The following GAB3 variants were observed in gnomAD, a reference collection of about 807,000 sequenced individuals.
GAB3 encodes GRB2-associated-binding protein 3.
GAB3 carries 12 observed loss-of-function variants against 40.4 expected under a neutral mutation model. The ratio of observed to expected loss-of-function variants is 0.30; its 90% CI spans 0.19 to 0.48. The LOEUF (loss-of-function observed/expected upper bound fraction) is 0.48. Ranked by LOEUF, GAB3 falls within the 20% of genes least tolerant of loss-of-function variation. The pLI, the probability that GAB3 is intolerant of heterozygous loss-of-function variation, is 0.99. For synonymous variants in GAB3, 154 were observed against 176.7 expected, an observed-to-expected ratio of 0.87 and a Z score of 1.02; for missense variants, 381 against 461.9, an observed-to-expected ratio of 0.82 and a Z score of 1.61.
intron 8 of GAB3, among the ~76,000 whole-genome samples, chrX:154,687,067 C>G (rs1296058196): frequency 9.1e-6 from 1 of 109,999 alleles, no homozygotes; most frequent in African/African-American, 3.3e-5. Context: ...TGGCGTGTGC[C>G]TGTAATCCCA....
chrX:154,725,460 A>C (rs1284228109), intron 1 of GAB3, among the ~76,000 whole-genome samples: 2 of 111,215 alleles, frequency 1.8e-5, no homozygotes, highest in South Asian at 3.9e-4. Context: ...TAAAAAGGAA[A>C]GCAAAAGAGG....
chrX:154,684,472 A>G (rs2070420375), intron 8 of GAB3, among the ~76,000 whole-genome samples: 1 of 111,541 alleles, frequency 9.0e-6, no homozygotes, highest in Non-Finnish European at 1.9e-5. Context: ...TTATTGGTAC[A>G]GAGTTGTTCA....
intron 8 of GAB3, 26 bp downstream of exon 8, chrX:154,695,891 G>T: frequency 1.1e-6 from 1 of 935,112 alleles, no homozygotes; most frequent in Non-Finnish European, 1.5e-6. Flanking sequence ...TGAAGGATAA[G>T]AAGAGTGTGA....
intron 8 of GAB3, among the ~76,000 whole-genome samples, chrX:154,693,513 C>A (rs2148426110): frequency 8.9e-6 from 1 of 111,864 alleles, no homozygotes; most frequent in South Asian, 3.7e-4. Context: ...CCGTATGATT[C>A]TATTTTTGTG....
chrX:154,748,957 A>G (rs993386964), intron 1 of GAB3, among the ~76,000 whole-genome samples: 2 of 111,991 alleles, frequency 1.8e-5, no homozygotes, highest in Non-Finnish European at 3.8e-5. Flanking sequence ...GAGAGGAAAA[A>G]GAATTCTTTC....
chrX:154,711,941 C>T (rs1603426059), intron 4 of GAB3, among the ~76,000 whole-genome samples: 1 of 111,767 alleles, frequency 8.9e-6, no homozygotes, highest in South Asian at 3.8e-4. Flanking sequence ...TGGTCAGGCT[C>T]AAAGGAGGGG....
intron 7 of GAB3, 62 bp from the exon 8 acceptor site, chrX:154,696,081 A>ATGTTAGTTCCT: frequency 1.5e-6 from 1 of 654,849 alleles, no homozygotes; most frequent in Non-Finnish European, 2.4e-6. Context: ...AAAGCTGGCC[A>ATGTTAGTTCCT]GGAACTAACA....
intron 1 of GAB3, 27 bp from the exon 2 acceptor site, chrX:154,716,356 T>C (rs1270883852): frequency 1.7e-6 from 2 of 1,162,556 alleles, no homozygotes; most frequent in Non-Finnish European, 2.3e-6. Context: ...CAATAAGGAG[T>C]TACTGGACCA....
At chrX:154,694,623 G>A (rs1462837142) in intron 8 of GAB3, among the ~76,000 whole-genome samples, 5 of 111,524 alleles carry the variant, frequency 4.5e-5, no homozygotes, top group African/African-American at 1.6e-4. Context: ...TCGATCTCCT[G>A]ACCTTGTGAT....
intron 8 of GAB3, among the ~76,000 whole-genome samples, chrX:154,695,296 G>A (rs5986879): frequency 0.021 from 2,352 of 111,878 alleles, 80 homozygotes; most frequent in African/African-American, 0.071. Flanking sequence ...CCAAGATGAA[G>A]AGAATAGAAG....
At chrX:154,688,923 G>C (rs1557248564) in intron 8 of GAB3, among the ~76,000 whole-genome samples, 2 of 111,418 alleles carry the variant, frequency 1.8e-5, no homozygotes, top group Non-Finnish European at 3.8e-5. Flanking sequence ...TATGAGGCCA[G>C]CATCATCCTG....
chrX:154,728,651 C>T (rs185363936), intron 1 of GAB3, among the ~76,000 whole-genome samples: 49 of 112,375 alleles, frequency 4.4e-4, no homozygotes, highest in African/African-American at 1.5e-3. Context: ...AGATAGAACA[C>T]AGAAATCCTG....
At chrX:154,691,066 C>T (rs187873900) in intron 8 of GAB3, among the ~76,000 whole-genome samples, 2 of 110,591 alleles carry the variant, frequency 1.8e-5, no homozygotes, top group East Asian at 2.8e-4. Flanking sequence ...GGCACATATA[C>T]GCCATGGAAC....
At chrX:154,751,185 G>A, upstream of GAB3, 1 of 398,442 alleles carries the variant, frequency 2.5e-6, no homozygotes, top group Non-Finnish European at 3.2e-6. Context: ...CCCCCGGGGA[G>A]GGAACCGACG....
At chrX:154,735,225 A>G (rs1370252648) in intron 1 of GAB3, among the ~76,000 whole-genome samples, 7 of 112,137 alleles carry the variant, frequency 6.2e-5, no homozygotes, top group African/African-American at 2.3e-4. Flanking sequence ...AATATCTATC[A>G]AAAGGTTGAA....
intron 4 of GAB3, among the ~76,000 whole-genome samples, chrX:154,702,924 G>C (rs2070758592): frequency 8.9e-6 from 1 of 112,142 alleles, no homozygotes; most frequent in African/African-American, 3.2e-5. Flanking sequence ...GATCACTAAA[G>C]AAATGTAAAT....
At chrX:154,741,511 G>C (rs1461492741) in intron 1 of GAB3, among the ~76,000 whole-genome samples, 1 of 108,935 alleles carries the variant, frequency 9.2e-6, no homozygotes, top group Non-Finnish European at 1.9e-5. Flanking sequence ...CCCCATCTCT[G>C]CTAAAAATAC....
intron 7 of GAB3, 53 bp downstream of exon 7, chrX:154,697,077 AAC>A: frequency 1.0e-6 from 1 of 980,292 alleles, no homozygotes; most frequent in South Asian, 1.9e-5. Context: ...TCAGAGGCCT[AAC>A]ACACACCGGG....
At chrX:154,751,289 GGGGGGT>G (rs1258683360), upstream of GAB3, among the ~76,000 whole-genome samples, 3 of 91,343 alleles carry the variant, frequency 3.3e-5, no homozygotes, top group African/African-American at 1.4e-4. Flanking sequence ...GTGCCCGGGG[GGGGGGT>G]GTGGGGGGGG....
Sources: allele counts gnomAD v4.1 joint callset (sites outside exome capture counted in the v4.1 genomes callset), GRCh38; gene constraint gnomAD v4.1.1; transcripts MANE v1.5; gene names NCBI Gene and HGNC (gene_info 2026-07-23, HGNC 2026-07-21).